RSRC1: variants seen among roughly 807,000 people sequenced by gnomAD.
RSRC1 encodes serine/Arginine-related protein 53.
Under a neutral mutation model 49.1 loss-of-function variants are expected in RSRC1, and 39 were observed. The observed-to-expected ratio is 0.79, with a 90% CI of 0.61 to 1.04. The LOEUF (loss-of-function observed/expected upper bound fraction) is 1.04, where lower values mean the gene tolerates loss of function less well. Ranked by LOEUF, RSRC1 falls within the 50% of genes least tolerant of loss-of-function variation. The probability of loss-of-function intolerance (pLI) is 0.00; values close to 1 mark genes in which losing one functional copy is unlikely to be tolerated. For missense variants in RSRC1, 388 were observed against 402.4 expected, an observed-to-expected ratio of 0.96 and a Z score of 0.31; for synonymous variants, 143 against 130.8, an observed-to-expected ratio of 1.09 and a Z score of -0.63.
chr3:158,544,097 T>A (rs779686165), intron 9 of RSRC1, 86 bp from the exon 10 acceptor site: 9 of 854,186 alleles, frequency 1.1e-5, no homozygotes, highest in Non-Finnish European at 1.7e-5. Context: ...AGAGATATAT[T>A]CTACAAAGGT....
chr3:158,180,936 C>G (rs1379513854), intron 3 of RSRC1, among the ~76,000 whole-genome samples: 3 of 151,298 alleles, frequency 2.0e-5, no homozygotes, highest in African/African-American at 7.3e-5. Flanking sequence ...TCCCGAGTAG[C>G]TGGGATTTCA....
At chr3:158,412,166 C>G (rs1734497273) in intron 6 of RSRC1, among the ~76,000 whole-genome samples, 1 of 151,892 alleles carries the variant, frequency 6.6e-6, no homozygotes, top group South Asian at 2.1e-4. Flanking sequence ...ATTTTTCTAT[C>G]TTCAGTGCTT....
chr3:158,193,104 A>G (rs1469868634), intron 3 of RSRC1, among the ~76,000 whole-genome samples: 1 of 152,094 alleles, frequency 6.6e-6, no homozygotes, highest in Non-Finnish European at 1.5e-5. Context: ...CAACTCAGTT[A>G]GGTAATATTA....
At chr3:158,462,431 G>A (rs758982970) in intron 7 of RSRC1, among the ~76,000 whole-genome samples, 2 of 151,870 alleles carry the variant, frequency 1.3e-5, no homozygotes, top group Non-Finnish European at 2.9e-5. Context: ...CGTAAATCAC[G>A]TGTATAGTAC....
chr3:158,265,563 A>G (rs572436489), intron 4 of RSRC1, among the ~76,000 whole-genome samples: 105 of 152,120 alleles, frequency 6.9e-4, no homozygotes, highest in African/African-American at 2.4e-3. Context: ...ACCGGGAGGC[A>G]GAGGTTACAG....
chr3:158,210,008 AGTGATT>A (rs1721573871), intron 4 of RSRC1, among the ~76,000 whole-genome samples: 1 of 152,030 alleles, frequency 6.6e-6, no homozygotes, highest in Non-Finnish European at 1.5e-5. Context: ...CCCTCTACCT[AGTGATT>A]GGTAGAAGAT....
chr3:158,314,427 C>G (rs1280534485), intron 5 of RSRC1, among the ~76,000 whole-genome samples: 1 of 148,126 alleles, frequency 6.8e-6, no homozygotes, highest in Non-Finnish European at 1.5e-5. Context: ...TTACTTCATT[C>G]ACTGATACTG....
chr3:158,249,534 T>A (rs1724088793), intron 4 of RSRC1, among the ~76,000 whole-genome samples: 1 of 152,224 alleles, frequency 6.6e-6, no homozygotes, highest in South Asian at 2.1e-4. Flanking sequence ...ATATTTTGGT[T>A]GTTACCAATT....
At chr3:158,392,216 C>T (rs1027176901) in intron 6 of RSRC1, among the ~76,000 whole-genome samples, 6 of 152,122 alleles carry the variant, frequency 3.9e-5, no homozygotes, top group African/African-American at 1.4e-4. Context: ...TGCTGCTTCT[C>T]CTCACTAAAG....
chr3:158,369,578 T>A (rs985770010), intron 6 of RSRC1, among the ~76,000 whole-genome samples: 29 of 152,148 alleles, frequency 1.9e-4, no homozygotes, highest in East Asian at 3.8e-4. Context: ...AACATTTTTT[T>A]AAAAACTGTT....
chr3:158,423,783 G>A lies in RSRC1; in HGVS notation c.584-37152G>A, dbSNP rs1429364330. On this transcript the variant is annotated intron_variant, in intron 6 of 9. Coordinates refer to ENST00000611884, the MANE Select transcript of RSRC1 (RefSeq NM_001271838.2). ...GTGGTTTGTAGTTCTCCTTGAAGAG[G>A]TCCTTCACATCCCTTGTAAGTTGGA... 4.0e-5 allele frequency among the ~76,000 whole-genome samples: 6 copies of A among 151,520 alleles called. No homozygotes were observed. In the East Asian group the frequency reaches 9.7e-4, roughly 24 times the overall value.
Position 158,205,915 on chromosome 3 carries a change from C to A in RSRC1, c.494+2670C>A, listed in dbSNP as rs1013399597. Reference sequence around the variant, plus strand: ...AAGCTGTCCTGGGCTGCATGTGGCCCACGGGCTGCAAGTTGGAGAAGATTG... The same window carrying A: ...AAGCTGTCCTGGGCTGCATGTGGCCAACGGGCTGCAAGTTGGAGAAGATTG... On this transcript the variant is annotated intron_variant, in intron 4 of 9. Coordinates refer to ENST00000611884, the MANE Select transcript of RSRC1 (RefSeq NM_001271838.2). Among the ~76,000 whole-genome samples the A allele has an allele frequency of 2.6e-5, 4 of 152,086 alleles. No homozygotes were observed. In the East Asian group the frequency reaches 7.7e-4, roughly 29 times the overall value.
intron 4 of RSRC1, among the ~76,000 whole-genome samples, chr3:158,264,827 T>C (rs1184459983): frequency 6.6e-6 from 1 of 152,240 alleles, no homozygotes; most frequent in East Asian, 1.9e-4. Context: ...CTATGCCTTA[T>C]GAGTTATGAG....
At chr3:158,529,363 G>GGC (rs1289640597) in intron 7 of RSRC1, among the ~76,000 whole-genome samples, 2 of 151,752 alleles carry the variant, frequency 1.3e-5, no homozygotes, top group Non-Finnish European at 2.9e-5. Flanking sequence ...ATTGTTGCTT[G>GGC]GCAGGAGTGG....
At chr3:158,426,399 C>A (rs1181794219) in intron 6 of RSRC1, among the ~76,000 whole-genome samples, 1 of 151,370 alleles carries the variant, frequency 6.6e-6, no homozygotes, top group African/African-American at 2.4e-5. Context: ...GGAAAATGGG[C>A]TAAGGATCAT....
At chr3:158,258,911 G>A (rs575978203) in intron 4 of RSRC1, among the ~76,000 whole-genome samples, 6 of 152,076 alleles carry the variant, frequency 3.9e-5, no homozygotes, top group African/African-American at 1.4e-4. Flanking sequence ...AATTATTGCA[G>A]TCTTTTTATT....
At chr3:158,157,023 CAGAGT>C (rs1317719713) in intron 3 of RSRC1, among the ~76,000 whole-genome samples, 3 of 152,056 alleles carry the variant, frequency 2.0e-5, no homozygotes, top group Non-Finnish European at 4.4e-5. Context: ...GGCAATAAAG[CAGAGT>C]AAAGTAAAAA....
chr3:158,470,450 A>G (rs988954353), intron 7 of RSRC1, among the ~76,000 whole-genome samples: 1 of 151,264 alleles, frequency 6.6e-6, no homozygotes, highest in Non-Finnish European at 1.5e-5. Context: ...TCTGGGATTA[A>G]GTGGTATGCT....
chr3:158,329,169 G>T (rs897113096), intron 5 of RSRC1, among the ~76,000 whole-genome samples: 3 of 152,126 alleles, frequency 2.0e-5, no homozygotes, highest in African/African-American at 7.2e-5. Context: ...TATCTTCTTT[G>T]CATTGGGATC....
Sources: gnomAD v4.1 joint callset for allele counts (sites outside exome capture counted in the v4.1 genomes callset) on GRCh38, gnomAD v4.1.1 for gene constraint, MANE v1.5 for transcripts, NCBI Gene and HGNC (gene_info 2026-07-23, HGNC 2026-07-21) for gene names.